The following KCNIP4 variants were observed in gnomAD, a reference collection of about 807,000 sequenced individuals.
The protein encoded by KCNIP4 is potassium voltage-gated channel interacting protein 4.
A neutral mutation model predicts 34.0 loss-of-function variants in KCNIP4; 12 were observed. The observed-to-expected ratio is 0.35, with a 90% CI of 0.23 to 0.57. The LOEUF (loss-of-function observed/expected upper bound fraction) is 0.57, where lower values mean the gene tolerates loss of function less well. Ranked by LOEUF, KCNIP4 falls within the 20% of genes least tolerant of loss-of-function variation. The probability of loss-of-function intolerance (pLI) is 0.83; values close to 1 mark genes in which losing one functional copy is unlikely to be tolerated. For missense variants in KCNIP4, 238 were observed against 311.7 expected, an observed-to-expected ratio of 0.76 and a Z score of 1.78; for synonymous variants, 124 against 102.2, an observed-to-expected ratio of 1.21 and a Z score of -1.29.
rs1351743223 is a variant in KCNIP4 at position 20,882,684 on chromosome 4, G to C, written c.87C>G (p.Thr29=). 6.2e-7 allele frequency: 1 copy of C among 1,613,368 alleles called. No homozygotes were observed. The highest frequency in any genetic ancestry group is 2.2e-5 in the East Asian group (1 of 44,816). Residue 29 remains threonine (T), a synonymous_variant, in exon 2 of 9, where the codon ACC becomes ACG. Transcript: ENST00000382152. ...TGAGCCGCTCTTTAATGCTGCGCTT[G>C]GTGCTGTTCTGAGCGTACAGGAAAC... The part of the protein sequence containing the change: ...TGGFLYAQNS[T]KRSIKERLMK...
intron 8 of KCNIP4, chr4:20,731,401 C>T (rs1266282554): frequency 1.0e-6 from 1 of 985,138 alleles, no homozygotes; most frequent in African/African-American, 1.7e-5. Context: ...TGGTTCTGCC[C>T]ACACATCAAG....
intron 1 of KCNIP4, among the ~76,000 whole-genome samples, chr4:21,105,027 G>T (rs773697629): frequency 6.6e-6 from 1 of 151,642 alleles, no homozygotes; most frequent in African/African-American, 2.4e-5. Context: ...GTCAGGTAGC[G>T]TGATGCTTCC....
At chr4:21,692,100 C>T (rs1484967692) in intron 1 of KCNIP4, among the ~76,000 whole-genome samples, 1 of 152,080 alleles carries the variant, frequency 6.6e-6, no homozygotes, top group African/African-American at 2.4e-5. Context: ...AAGAGTTTAC[C>T]ACGTCTAAGA....
Position 21,714,966 on chromosome 4 carries a change from T to C in KCNIP4, c.61+233605A>G, listed in dbSNP as rs374181026. ...TTTATTTTATTTTATTTTATTTTAT[T>C]TTATTTTATTTTATTTTATTTTATT... is the stretch of plus-strand genomic sequence containing the variant. On this transcript the variant is annotated intron_variant, in intron 1 of 8. Transcript: ENST00000382152. 4.7e-3 allele frequency among the ~76,000 whole-genome samples: 2 copies of C among 428 alleles called. 1 individual carries two copies. The highest frequency in any genetic ancestry group is 6.3e-3 in the Non-Finnish European group (2 of 320). The allele number at this position is 428 out of a possible 152,430, so 0.3% of individuals were successfully genotyped here.
chr4:20,730,827 G>A (rs1270284878), intron 8 of KCNIP4, among the ~76,000 whole-genome samples: 1 of 152,140 alleles, frequency 6.6e-6, no homozygotes, highest in Non-Finnish European at 1.5e-5. Context: ...CATGTGAATA[G>A]CACTTACTGA....
chr4:21,323,922 C>G (rs948755316), intron 1 of KCNIP4, among the ~76,000 whole-genome samples: 5 of 151,926 alleles, frequency 3.3e-5, no homozygotes, highest in Non-Finnish European at 7.4e-5. Flanking sequence ...TACTGAATGT[C>G]TTTTAGATAA....
At chr4:21,086,697 A>C (rs1746461882) in intron 1 of KCNIP4, among the ~76,000 whole-genome samples, 1 of 152,024 alleles carries the variant, frequency 6.6e-6, no homozygotes, top group Non-Finnish European at 1.5e-5. Context: ...AGCCAAGAAA[A>C]ATTCTTCTAT....
intron 1 of KCNIP4, among the ~76,000 whole-genome samples, chr4:21,752,269 T>C (rs1193719190): frequency 6.6e-6 from 1 of 152,098 alleles, no homozygotes; most frequent in Non-Finnish European, 1.5e-5. Context: ...TTTAATTGAC[T>C]CACATTTCTG....
chr4:21,372,190 A>C (rs1210733315), intron 1 of KCNIP4, among the ~76,000 whole-genome samples: 1 of 147,272 alleles, frequency 6.8e-6, no homozygotes, highest in African/African-American at 2.7e-5. Context: ...ATTTTCTAGA[A>C]GGCCAAATTA....
At chr4:21,745,109 A>G (rs890265755) in intron 1 of KCNIP4, among the ~76,000 whole-genome samples, 2 of 152,226 alleles carry the variant, frequency 1.3e-5, no homozygotes, top group Non-Finnish European at 2.9e-5. Context: ...TATGGAAAAG[A>G]CAGACATGTC....
At chr4:21,640,639 C>T (rs1003832069) in intron 1 of KCNIP4, among the ~76,000 whole-genome samples, 3 of 152,196 alleles carry the variant, frequency 2.0e-5, no homozygotes, top group African/African-American at 7.2e-5. Context: ...CTTTCTCAAT[C>T]CCTGAGCTAC....
At chr4:21,223,287 T>G (rs968539911) in intron 1 of KCNIP4, among the ~76,000 whole-genome samples, 1 of 152,154 alleles carries the variant, frequency 6.6e-6, no homozygotes, top group African/African-American at 2.4e-5. Flanking sequence ...AGCCAAGGAA[T>G]GTAGGTGACT....
At chr4:21,760,338 T>C (rs10007968) in intron 1 of KCNIP4, among the ~76,000 whole-genome samples, 6,152 of 152,132 alleles carry the variant, frequency 0.04, 146 homozygotes, top group East Asian at 0.071. Flanking sequence ...GTAATAACCA[T>C]GCCAAGAAAA....
At chr4:21,266,387 A>AG in intron 1 of KCNIP4, among the ~76,000 whole-genome samples, 1 of 147,610 alleles carries the variant, frequency 6.8e-6, no homozygotes, top group African/African-American at 2.6e-5. Context: ...CCTTAAAAAC[A>AG]AAATGCCAAG....
intron 1 of KCNIP4, among the ~76,000 whole-genome samples, chr4:21,237,007 G>GAA (rs370053593): frequency 1.1e-4 from 15 of 136,132 alleles, no homozygotes; most frequent in African/African-American, 2.4e-4. Context: ...CTCCATCATG[G>GAA]AAAAAAAAAA....
chr4:21,865,240 G>A (rs1038673638), intron 1 of KCNIP4, among the ~76,000 whole-genome samples: 3 of 151,486 alleles, frequency 2.0e-5, no homozygotes, highest in African/African-American at 7.3e-5. Flanking sequence ...CCCATAGGAA[G>A]CAAAAGATGA....
intron 3 of KCNIP4, among the ~76,000 whole-genome samples, chr4:20,800,221 G>A (rs1221254423): frequency 6.6e-6 from 1 of 152,050 alleles, no homozygotes; most frequent in African/African-American, 2.4e-5. Flanking sequence ...TGTATCACTG[G>A]GCCCACACAG....
At chr4:21,470,761 G>A (rs1730392503) in intron 1 of KCNIP4, among the ~76,000 whole-genome samples, 1 of 152,002 alleles carries the variant, frequency 6.6e-6, no homozygotes, top group Admixed American at 6.6e-5. Flanking sequence ...GGGAGAAGCA[G>A]TTAGTTACAA....
chr4:21,156,772 TG>T (rs1330479118), intron 1 of KCNIP4, among the ~76,000 whole-genome samples: 1 of 152,154 alleles, frequency 6.6e-6, no homozygotes, highest in Non-Finnish European at 1.5e-5. Context: ...GTGGTGATAC[TG>T]TTTTTTTTAA....
Sources: allele counts gnomAD v4.1 joint callset (sites outside exome capture counted in the v4.1 genomes callset), GRCh38; gene constraint gnomAD v4.1.1; transcripts MANE v1.5; gene names NCBI Gene and HGNC (gene_info 2026-07-23, HGNC 2026-07-21).